Variants in TSNARE1 observed in about 807,000 individuals in gnomAD.
TSNARE1 encodes t-SNARE domain-containing protein 1.
In TSNARE1, 49 loss-of-function variants were observed where a neutral mutation model predicts 62.0. The ratio of observed to expected loss-of-function variants is 0.79; its 90% CI spans 0.63 to 1.00. The LOEUF (loss-of-function observed/expected upper bound fraction) is 1.00. TSNARE1 is among the 50% of genes least tolerant of loss of function. TSNARE1 has a pLI of 0.00. For synonymous variants in TSNARE1, 328 were observed against 294.4 expected (o/e 1.11, Z -1.17); for missense variants, 755 against 700.1 (o/e 1.08, Z -0.88).
At chr8:142,379,233 G>A (rs571349835) in intron 1 of TSNARE1, among the ~76,000 whole-genome samples, 1 of 152,342 alleles carries the variant, frequency 6.6e-6, no homozygotes, top group African/African-American at 2.4e-5. Flanking sequence ...CTGCCAGCAA[G>A]GACAGACCGT....
chr8:142,314,973 A>C, intron 8 of TSNARE1, 30 bp downstream of exon 8: 2 of 1,610,548 alleles, frequency 1.2e-6, no homozygotes, highest in Non-Finnish European at 1.7e-6. Flanking sequence ...CCTGGCCTGC[A>C]GACCCCCACT....
intron 12 of TSNARE1, among the ~76,000 whole-genome samples, chr8:142,253,909 G>C (rs1818301030): frequency 6.6e-6 from 1 of 152,192 alleles, no homozygotes; most frequent in East Asian, 1.9e-4. Context: ...AGGTTCCCCC[G>C]ACCCAGGGCT....
In TSNARE1 at chr8:142,234,372, T is replaced by G. The variant is rs557588580; in HGVS notation, c.1447-4793A>C. ...CAGGGAAGGTTCCAAGATGGCGCCA[T>G]GACCACCACCATGGGTTCAGGGAAG... On this transcript the variant is annotated intron_variant, in intron 12 of 13. Transcript: ENST00000524325. Among the ~76,000 whole-genome samples the G allele has an allele frequency of 5.1e-3, 771 of 150,798 alleles. 4 individuals are homozygous for G. The highest frequency in any genetic ancestry group is 0.018 in the African/African-American group (741 of 40,766).
chr8:142,269,370 G>T (rs1304169795), intron 12 of TSNARE1: 2 of 929,348 alleles, frequency 2.2e-6, no homozygotes, highest in Non-Finnish European at 2.6e-6. Flanking sequence ...ACAGTGTGGG[G>T]TGAAGGTTGG....
chr8:142,239,577 A>G (rs1223072940), intron 12 of TSNARE1, among the ~76,000 whole-genome samples: 9 of 152,256 alleles, frequency 5.9e-5, no homozygotes, highest in Admixed American at 5.9e-4. Flanking sequence ...GAAAAAGTGA[A>G]CTAACTTTTT....
chr8:142,223,157 T>C (rs866144513), intron 13 of TSNARE1, among the ~76,000 whole-genome samples: 22 of 77,924 alleles, frequency 2.8e-4, no homozygotes, highest in South Asian at 1.4e-3. Context: ...CACTCACTCA[T>C]TCACTCACTC....
At chr8:142,394,120 G>A (rs1837732559) in intron 1 of TSNARE1, among the ~76,000 whole-genome samples, 1 of 152,232 alleles carries the variant, frequency 6.6e-6, no homozygotes, top group South Asian at 2.1e-4. Flanking sequence ...CCTGGCTAAG[G>A]CAGAAGCCTG....
intron 11 of TSNARE1, among the ~76,000 whole-genome samples, chr8:142,279,403 G>A (rs1251161195): frequency 6.6e-6 from 1 of 152,220 alleles, no homozygotes; most frequent in Non-Finnish European, 1.5e-5. Context: ...CGCTGCTGCT[G>A]CACGTCGGGG....
chr8:142,330,750 G>GT, intron 6 of TSNARE1, 151 bp downstream of exon 6: 1 of 715,116 alleles, frequency 1.4e-6, no homozygotes, highest in Non-Finnish European at 2.4e-6. Flanking sequence ...CCGCAGGCGT[G>GT]TGTGCATATG....
chr8:142,244,451 A>G (rs1199221052), intron 12 of TSNARE1, among the ~76,000 whole-genome samples: 1 of 152,118 alleles, frequency 6.6e-6, no homozygotes, highest in Non-Finnish European at 1.5e-5. Flanking sequence ...ACTTACATGT[A>G]TTTTAAAACA....
chr8:142,388,550 C>CT (rs71313221), intron 1 of TSNARE1, among the ~76,000 whole-genome samples: 2,626 of 67,496 alleles, frequency 0.039, 103 homozygotes, highest in Non-Finnish European at 0.044. Flanking sequence ...AAAACAAAAT[C>CT]TTTTTTTTTT....
intron 9 of TSNARE1, among the ~76,000 whole-genome samples, chr8:142,307,742 G>A (rs1336657088): frequency 6.6e-6 from 1 of 152,232 alleles, no homozygotes; most frequent in Non-Finnish European, 1.5e-5. Flanking sequence ...ATGCATGTCT[G>A]TTGGGCAGAA....
intron 10 of TSNARE1, among the ~76,000 whole-genome samples, chr8:142,299,707 C>T (rs1451366816): frequency 6.6e-6 from 1 of 152,046 alleles, no homozygotes; most frequent in African/African-American, 2.4e-5. Context: ...CACACACGCA[C>T]TCACGCACGC....
chr8:142,273,606 C>A, intron 12 of TSNARE1: 2 of 985,354 alleles, frequency 2.0e-6, no homozygotes, highest in East Asian at 1.1e-4. Flanking sequence ...AGGGACTGAC[C>A]CTTGGTGACC....
intron 9 of TSNARE1, among the ~76,000 whole-genome samples, chr8:142,306,479 A>G (rs1826687209): frequency 2.0e-5 from 3 of 152,194 alleles, no homozygotes; most frequent in Non-Finnish European, 4.4e-5. Flanking sequence ...GGCTGAGCCC[A>G]AGCTGGGTCT....
At chr8:142,284,554 T>G in intron 10 of TSNARE1, 69 bp from the exon 11 acceptor site, 1 of 1,173,600 alleles carries the variant, frequency 8.5e-7, no homozygotes, top group Non-Finnish European at 1.2e-6. Flanking sequence ...ACCTGAAAGT[T>G]TCCCATGGAA....
At chr8:142,271,037 C>A in intron 12 of TSNARE1, 1 of 985,874 alleles carries the variant, frequency 1.0e-6, no homozygotes, top group Non-Finnish European at 1.2e-6. Context: ...AGGGGAAAGA[C>A]TGGAGGCCCT....
At position 142,332,843 on chromosome 8, in the gene TSNARE1, G is replaced by A. The variant is rs796443478; in HGVS notation, c.746-1012C>T. On this transcript the variant is annotated intron_variant, in intron 4 of 13. Coordinates refer to ENST00000524325, the MANE Select transcript of TSNARE1 (RefSeq NM_145003.5). ...CAGGGTTTACACAGAGGAGCAGAGCGCACATCCAGAGAAGCTCCTGAAGAG... is the reference window on the plus strand; with the variant it reads ...CAGGGTTTACACAGAGGAGCAGAGCACACATCCAGAGAAGCTCCTGAAGAG... Among the ~76,000 whole-genome samples the A allele has an allele frequency of 5.9e-5, 9 of 152,250 alleles. No individual in the cohort carries two copies. In the South Asian group the frequency reaches 8.3e-4, roughly 14 times the overall value.
intron 2 of TSNARE1, 32 bp from the exon 3 acceptor site, chr8:142,345,924 C>G: frequency 6.2e-7 from 1 of 1,600,714 alleles, no homozygotes; most frequent in Non-Finnish European, 8.5e-7. Flanking sequence ...CACGATTACT[C>G]TCAGCTCAGG....
Sources: allele counts gnomAD v4.1 joint callset (sites outside exome capture counted in the v4.1 genomes callset), GRCh38; gene constraint gnomAD v4.1.1; transcripts MANE v1.5; gene names NCBI Gene and HGNC (gene_info 2026-07-23, HGNC 2026-07-21).